The following ALK variants were observed in gnomAD, a reference collection of about 807,000 sequenced individuals.
ALK encodes the protein ALK tyrosine kinase receptor.
ALK carries 74 observed loss-of-function variants against 163.1 expected under a neutral mutation model. The observed-to-expected ratio is 0.45, with a 90% confidence interval of 0.38 to 0.55. The LOEUF (loss-of-function observed/expected upper bound fraction) is 0.55, where lower values mean the gene tolerates loss of function less well. Ranked by LOEUF, ALK falls within the 20% of genes least tolerant of loss-of-function variation. The pLI is 0.00. For missense variants in ALK, 2,063 were observed against 2,105.3 expected (o/e 0.98, Z 0.39); for synonymous variants, 960 against 843.2 (o/e 1.14, Z -2.40).
chr2:29,229,160 G>C (rs1664113929), intron 15 of ALK, 94 bp from the exon 16 acceptor site: 4 of 1,179,320 alleles, frequency 3.4e-6, no homozygotes. Context: ...GCCTTGGAGG[G>C]CGCCCGCACC....
chr2:29,830,710 G>A (rs1665344351), intron 1 of ALK, among the ~76,000 whole-genome samples: 2 of 8,134 alleles, frequency 2.5e-4, no homozygotes, highest in Non-Finnish European at 2.6e-4. Context: ...CTCTAAAATA[G>A]TTTAAAAAAA....
chr2:29,426,071 A>G (rs1052933213), intron 4 of ALK, among the ~76,000 whole-genome samples: 11 of 152,194 alleles, frequency 7.2e-5, no homozygotes, highest in African/African-American at 2.7e-4. Flanking sequence ...CAATGGAATA[A>G]TCAGCTGACA....
intron 5 of ALK, among the ~76,000 whole-genome samples, chr2:29,336,545 C>T (rs1573249255): frequency 6.6e-6 from 1 of 152,064 alleles, no homozygotes; most frequent in African/African-American, 2.4e-5. Flanking sequence ...ACACATGTGG[C>T]CCAGGTCAGG....
At chr2:29,726,905 T>C (rs17008540) in intron 1 of ALK, among the ~76,000 whole-genome samples, 10,035 of 152,266 alleles carry the variant, frequency 0.066, 1,105 homozygotes, top group African/African-American at 0.23. Flanking sequence ...ATAGGATGTA[T>C]GACTGCAGAC....
intron 3 of ALK, among the ~76,000 whole-genome samples, chr2:29,673,255 GCCTA>G (rs1208217139): frequency 1.6e-5 from 2 of 123,378 alleles, no homozygotes; most frequent in Non-Finnish European, 3.2e-5. Context: ...CCTTGCCCAT[GCCTA>G]TGTCCTGAAT....
intron 9 of ALK, among the ~76,000 whole-genome samples, chr2:29,288,195 G>A (rs918379310): frequency 9.8e-5 from 15 of 152,312 alleles, no homozygotes; most frequent in Non-Finnish European, 1.6e-4. Context: ...GTAGGGCAGG[G>A]GGCATAAAGG....
intron 1 of ALK, among the ~76,000 whole-genome samples, chr2:29,748,392 A>G: frequency 6.6e-6 from 1 of 152,176 alleles, no homozygotes. Flanking sequence ...GCCCTTGGCA[A>G]TGCTTCTCAA....
chr2:29,716,215 G>T (rs1167275167), intron 2 of ALK, among the ~76,000 whole-genome samples: 3 of 152,164 alleles, frequency 2.0e-5, no homozygotes, highest in Admixed American at 6.5e-5. Context: ...ATTGAATCAG[G>T]CCTGATGAAT....
chr2:29,273,985 G>A (rs1558648249), intron 11 of ALK, among the ~76,000 whole-genome samples: 1 of 152,166 alleles, frequency 6.6e-6, no homozygotes. Context: ...CTCTGTGTGG[G>A]AATATACAAA....
intron 3 of ALK, among the ~76,000 whole-genome samples, chr2:29,552,091 T>C (rs1673729354): frequency 6.6e-6 from 1 of 152,202 alleles, no homozygotes; most frequent in Non-Finnish European, 1.5e-5. Flanking sequence ...TCTAGATACC[T>C]TGTAAAATTG....
chr2:29,910,938 C>T, intron 1 of ALK, among the ~76,000 whole-genome samples: 1 of 152,142 alleles, frequency 6.6e-6, no homozygotes, highest in African/African-American at 2.4e-5. Context: ...CCTGTTCATC[C>T]TGTTCTTTAC....
At chr2:29,400,373 A>C (rs1218706097) in intron 4 of ALK, among the ~76,000 whole-genome samples, 1 of 152,144 alleles carries the variant, frequency 6.6e-6, no homozygotes, top group Non-Finnish European at 1.5e-5. Context: ...AGCTTAGCCC[A>C]TTGCTGTATT....
At chr2:29,824,222 T>A (rs531639814) in intron 1 of ALK, among the ~76,000 whole-genome samples, 1 of 152,158 alleles carries the variant, frequency 6.6e-6, no homozygotes, top group Non-Finnish European at 1.5e-5. Flanking sequence ...AGAAGATGCA[T>A]GGAAATGCCT....
chr2:29,455,747 A>G (rs920602343), intron 4 of ALK, among the ~76,000 whole-genome samples: 2 of 152,228 alleles, frequency 1.3e-5, no homozygotes, highest in Admixed American at 1.3e-4. Flanking sequence ...AAAAGCTTCT[A>G]TTTATAACTG....
At chr2:29,358,064 G>T (rs565734249) in intron 5 of ALK, among the ~76,000 whole-genome samples, 1 of 152,338 alleles carries the variant, frequency 6.6e-6, no homozygotes, top group South Asian at 2.1e-4. Flanking sequence ...GTAAACAGCA[G>T]AAAGGAGACT....
intron 4 of ALK, among the ~76,000 whole-genome samples, chr2:29,458,575 T>C (rs1671013972): frequency 6.6e-6 from 1 of 152,140 alleles, no homozygotes; most frequent in African/African-American, 2.4e-5. Flanking sequence ...ACATTTCTTA[T>C]TGACCTACAG....
intron 1 of ALK, among the ~76,000 whole-genome samples, chr2:29,821,413 G>T (rs1665044617): frequency 6.6e-6 from 1 of 152,098 alleles, no homozygotes; most frequent in Non-Finnish European, 1.5e-5. Context: ...CGGGGAAGGG[G>T]ACAAGCACCA....
chr2:29,696,004 C>T (rs1427044853), intron 2 of ALK, among the ~76,000 whole-genome samples: 2 of 152,116 alleles, frequency 1.3e-5, no homozygotes, highest in African/African-American at 2.4e-5. Context: ...CCCAGCAATC[C>T]CCAGCAATCA....
rs139604191 is a variant in ALK at position 29,860,655 on chromosome 2, T to C, written c.667+59338A>G. Among the ~76,000 whole-genome samples, 562 of 152,246 alleles carry C rather than the reference T, an allele frequency of 3.7e-3. 1 individual carries two copies. Among genetic ancestry groups the C allele is most frequent in the Non-Finnish European group, 5.9e-3 (398 of 68,016 alleles). The stretch of plus-strand genomic sequence containing the variant: ...GCCACAAAACAAGTCTTAACAAACT[T>C]AAGAAGACTGAAATCACATCAAGTA... On this transcript the variant is annotated intron_variant, in intron 1 of 28. Transcript: ENST00000389048.
Sources: allele counts gnomAD v4.1 joint callset (sites outside exome capture counted in the v4.1 genomes callset), GRCh38; gene constraint gnomAD v4.1.1; transcripts MANE v1.5; gene names NCBI Gene and HGNC (gene_info 2026-07-23, HGNC 2026-07-21).